Variants in BRIP1 observed in about 807,000 individuals in gnomAD.
BRIP1 encodes Fanconi anemia group J protein.
In BRIP1, 88 loss-of-function variants were observed where a neutral mutation model predicts 119.7. The observed-to-expected ratio is 0.74, with a 90% confidence interval of 0.62 to 0.88. The LOEUF (loss-of-function observed/expected upper bound fraction) is 0.88, where lower values mean the gene tolerates loss of function less well. Ranked by LOEUF, BRIP1 falls within the 40% of genes least tolerant of loss-of-function variation. The pLI is 0.00. For synonymous variants in BRIP1, 443 were observed against 496.5 expected (o/e 0.89, Z 1.43); for missense variants, 1,259 against 1,455.4 (o/e 0.87, Z 2.20).
Position 61,748,863 on chromosome 17 carries a change from C to T in BRIP1, c.2098-4272G>A, listed in dbSNP as rs957713573. Among the ~76,000 whole-genome samples the T allele has an allele frequency of 9.8e-5, 15 of 152,290 alleles. No homozygotes were observed. The highest frequency in any genetic ancestry group is 8.3e-4 in the South Asian group (4 of 4,832). ...GTAAGATTTCAAACTGTTGGCTGGG[C>T]GCAGTGGCTCATGCCTGTAATCCCA... On this transcript the variant is annotated intron_variant, in intron 14 of 19. Transcript: ENST00000259008. The surrounding 1 kb of genome is among the most constrained non-coding windows in gnomAD (Gnocchi z 4.7).
In BRIP1 at chr17:61,803,098, C is replaced by CTTT. The variant is rs34014195; in HGVS notation, c.919-1627_919-1625dup. 1.4e-5 allele frequency among the ~76,000 whole-genome samples: 2 copies of CTTT among 147,774 alleles called. No homozygotes were observed. Among genetic ancestry groups the CTTT allele is most frequent in the Non-Finnish European group, 1.5e-5 (1 of 67,118 alleles). ...CTAATGCCCTTTGCCATTCTATTAC[C>CTTT]TTTTTTTTTTTCAGAGATGGGAGTC... On this transcript the variant is annotated intron_variant, in intron 7 of 19. Coordinates refer to ENST00000259008, the MANE Select transcript of BRIP1 (RefSeq NM_032043.3). This position sits in a 1 kb window ranked among gnomAD's most constrained non-coding sequence, Gnocchi z 4.3.
At position 61,744,469 on chromosome 17, in the gene BRIP1, C is replaced by A. The variant is rs45589637; in HGVS notation, c.2220G>T (p.Gln740His). 5.8e-4 allele frequency: 928 copies of A among 1,613,890 alleles called. No homozygotes were observed. The highest frequency in any genetic ancestry group is 1.4e-3 in the Admixed American group (85 of 60,024). Residue 740 changes from glutamine (Q) to histidine (H), a missense_variant, in exon 15 of 20, where the codon CAG (glutamine) becomes CAT (histidine). Physicochemically the swap from Gln to His is conservative, Grantham distance 24. This residue lies in a region of BRIP1 where 753 missense variants were observed against 891.8 expected (regional missense o/e 0.84). Transcript: ENST00000259008. The surrounding 1 kb of genome is among the most constrained non-coding windows in gnomAD (Gnocchi z 5.0). ...GEKTNFDELL[Q>H]VYYDAIKYKG... ...TGTATTTGATTGCGTCATAGTACACCTGCAGTAATTCATCAAAATTTGTTT... is the reference window on the plus strand; with the variant it reads ...TGTATTTGATTGCGTCATAGTACACATGCAGTAATTCATCAAAATTTGTTT...
intron 16 of BRIP1, among the ~76,000 whole-genome samples, chr17:61,721,293 C>G (rs529617571): frequency 9.3e-6 from 1 of 108,032 alleles, no homozygotes; most frequent in Admixed American, 1.1e-4. Flanking sequence ...TTTTTTAACA[C>G]GGAGTCTTGC....
chr17:61,855,351 G>T (rs1276410539), intron 4 of BRIP1, among the ~76,000 whole-genome samples: 1 of 152,162 alleles, frequency 6.6e-6, no homozygotes, highest in African/African-American at 2.4e-5. Context: ...GCCGAGGCAG[G>T]TGAGTAACTT....
chr17:61,793,714 G>A lies in BRIP1; in HGVS notation c.1356C>T (p.Asn452=), dbSNP rs730881640. The change falls in exon 10 of 20, where the codon AAC becomes AAT. Residue 452 remains asparagine (N), a synonymous_variant. Coordinates refer to ENST00000259008, the MANE Select transcript of BRIP1 (RefSeq NM_032043.3). This position sits in a 1 kb window ranked among gnomAD's most constrained non-coding sequence, Gnocchi z 5.2. ...CCSLINWLEA[N]AEYLVERDYE... ...AATCTCTTTCTACAAGATATTCAGC[G>A]TTTGCTTCTAACCAACTGAAATAAA... 30 of 1,610,094 alleles carry A rather than the reference G, an allele frequency of 1.9e-5. No individual in the cohort carries two copies. The Admixed American group carries it at 2.2e-4, about 12-fold the overall frequency.
chr17:61,840,332 G>A (rs1407579512), intron 6 of BRIP1, among the ~76,000 whole-genome samples: 1 of 144,554 alleles, frequency 6.9e-6, no homozygotes, highest in Non-Finnish European at 1.5e-5. Context: ...ACTCCATCCT[G>A]GGTGACAGGG....
Position 61,685,086 on chromosome 17 carries a change from G to A in BRIP1, c.2905+750C>T, listed in dbSNP as rs1056055196. On this transcript the variant is annotated intron_variant, in intron 19 of 19. Coordinates refer to ENST00000259008, the MANE Select transcript of BRIP1 (RefSeq NM_032043.3). ...GGCAAACCTTTTCTGTCATAGGCCAGATAGTAATATTTAGGCTTTGTGGAG... is the reference window on the plus strand; with the variant it reads ...GGCAAACCTTTTCTGTCATAGGCCAAATAGTAATATTTAGGCTTTGTGGAG... 7 of 152,236 alleles carry A rather than the reference G, an allele frequency of 4.6e-5. No homozygotes were observed. In the East Asian group the frequency reaches 5.8e-4, roughly 13 times the overall value. The allele number at this position is 152,236 out of a possible 1,614,324, so 9.4% of individuals were successfully genotyped here.
chr17:61,827,943 TG>T lies in BRIP1; in HGVS notation c.627+19157del. Among the ~76,000 whole-genome samples the T allele has an allele frequency of 6.6e-6, 1 of 152,292 alleles. No homozygotes were observed. Among genetic ancestry groups the T allele is most frequent in the Middle Eastern group, 3.4e-3 (1 of 294 alleles). On this transcript the variant is annotated intron_variant, in intron 6 of 19. Coordinates refer to ENST00000259008, the MANE Select transcript of BRIP1 (RefSeq NM_032043.3). This position sits in a 1 kb window ranked among gnomAD's most constrained non-coding sequence, Gnocchi z 5.8. ...AAAGATGTGGAGAAACTGGAACCCC[TG>T]TGCATTGCTGATGGAACTGTAAAAT...
intron 16 of BRIP1, among the ~76,000 whole-genome samples, chr17:61,718,191 A>T (rs1269688944): frequency 6.6e-6 from 1 of 152,080 alleles, no homozygotes; most frequent in Non-Finnish European, 1.5e-5. Flanking sequence ...CTAATTTTTG[A>T]TTGGATACTA....
rs1457107322 is a variant in BRIP1, at chr17:61,700,270, T to C, written c.2493-6758A>G. ...TTATATTAACTTTTACATTTACGTATGTCGTTAACTTTGTGGGTATTCTTT... is the reference window on the plus strand; with the variant it reads ...TTATATTAACTTTTACATTTACGTACGTCGTTAACTTTGTGGGTATTCTTT... On this transcript the variant is annotated intron_variant, in intron 17 of 19. Coordinates refer to ENST00000259008, the MANE Select transcript of BRIP1 (RefSeq NM_032043.3). This position sits in a 1 kb window ranked among gnomAD's most constrained non-coding sequence, Gnocchi z 4.1. Among the ~76,000 whole-genome samples, 1 of 152,202 alleles carries C rather than the reference T, an allele frequency of 6.6e-6. No individual in the cohort carries two copies. The highest frequency in any genetic ancestry group is 6.5e-5 in the Admixed American group (1 of 15,282).
At chr17:61,721,781 T>A (rs893762215) in intron 16 of BRIP1, among the ~76,000 whole-genome samples, 3 of 126,438 alleles carry the variant, frequency 2.4e-5, no homozygotes, top group African/African-American at 9.1e-5. Flanking sequence ...CACTGCAACC[T>A]CCACCTCCTG....
At position 61,704,315 on chromosome 17, in the gene BRIP1, T is replaced by C. The variant is rs2061659043; in HGVS notation, c.2493-10803A>G. On this transcript the variant is annotated intron_variant, in intron 17 of 19. Coordinates refer to ENST00000259008, the MANE Select transcript of BRIP1 (RefSeq NM_032043.3). This position sits in a 1 kb window ranked among gnomAD's most constrained non-coding sequence, Gnocchi z 5.7. ...GTCTCATAAAATAAATTGGGAAGGA[T>C]TGCATCTTCTGTTTTTTAGAAGAGA... is the stretch of plus-strand genomic sequence containing the variant. Among the ~76,000 whole-genome samples the C allele has an allele frequency of 6.6e-6, 1 of 152,168 alleles. No individual in the cohort carries two copies. Among genetic ancestry groups the C allele is most frequent in the African/African-American group, 2.4e-5 (1 of 41,462 alleles).
intron 16 of BRIP1, among the ~76,000 whole-genome samples, chr17:61,727,530 G>A (rs184449344): frequency 2.3e-4 from 35 of 152,226 alleles, no homozygotes; most frequent in African/African-American, 7.7e-4. Flanking sequence ...ACTTTGGGAG[G>A]ATGAGGCAGG....
intron 14 of BRIP1, among the ~76,000 whole-genome samples, chr17:61,765,409 A>G (rs1603313057): frequency 7.3e-5 from 1 of 13,648 alleles, no homozygotes; most frequent in Non-Finnish European, 1.3e-4. Flanking sequence ...ATATATATAT[A>G]TATATATATA....
chr17:61,828,051 C>T lies in BRIP1; in HGVS notation c.627+19050G>A, dbSNP rs185032342. On this transcript the variant is annotated intron_variant, in intron 6 of 19. Coordinates refer to ENST00000259008, the MANE Select transcript of BRIP1 (RefSeq NM_032043.3). This position sits in a 1 kb window ranked among gnomAD's most constrained non-coding sequence, Gnocchi z 4.1. Reference sequence around the variant, plus strand: ...TACCATATGGTCCAGAAATTCCACTCTTAGGTGTATACCCAAACGAATGAA... The same window carrying T: ...TACCATATGGTCCAGAAATTCCACTTTTAGGTGTATACCCAAACGAATGAA... 2.6e-5 allele frequency among the ~76,000 whole-genome samples: 4 copies of T among 152,138 alleles called. No homozygotes were observed. The highest frequency in any genetic ancestry group is 5.9e-5 in the Non-Finnish European group (4 of 68,008).
Position 61,804,252 on chromosome 17 carries a change from G to A in BRIP1, c.919-2778C>T, listed in dbSNP as rs1026379726. ...ATTGGAACTAAGTGGTAGAATAATGGGCCACTTTTATTTTAATTAATTCTA... is the reference window on the plus strand; with the variant it reads ...ATTGGAACTAAGTGGTAGAATAATGAGCCACTTTTATTTTAATTAATTCTA... On this transcript the variant is annotated intron_variant, in intron 7 of 19. Transcript: ENST00000259008. This position sits in a 1 kb window ranked among gnomAD's most constrained non-coding sequence, Gnocchi z 4.5. 1.3e-5 allele frequency among the ~76,000 whole-genome samples: 2 copies of A among 151,576 alleles called. No homozygotes were observed. The highest frequency in any genetic ancestry group is 6.6e-5 in the Admixed American group (1 of 15,208).
rs876660646 is a variant in BRIP1, at chr17:61,780,874, T to C, written c.1760A>G (p.His587Arg). ...ATTTAAGCACCAAAAGTTTAGCACATGAACTGCAGTTTTCTGTCGTGAACG... is the reference window on the plus strand; with the variant it reads ...ATTTAAGCACCAAAAGTTTAGCACACGAACTGCAGTTTTCTGTCGTGAACG... ...KKRSRQKTAVHVLNFWCLNPA... is the reference protein window; with the variant it reads ...KKRSRQKTAVRVLNFWCLNPA... The change falls in exon 12 of 20, where the codon CAT becomes CGT. Residue 587 changes from histidine (H) to arginine (R), a missense_variant. By Grantham distance (29) the His-to-Arg change is conservative (BLOSUM62 0). Coordinates refer to ENST00000259008, the MANE Select transcript of BRIP1 (RefSeq NM_032043.3). The surrounding 1 kb of genome is among the most constrained non-coding windows in gnomAD (Gnocchi z 5.4). 6.2e-7 allele frequency: 1 copy of C among 1,614,206 alleles called. No individual in the cohort carries two copies. Among genetic ancestry groups the C allele is most frequent in the Non-Finnish European group, 8.5e-7 (1 of 1,180,040 alleles).
rs2061677319 is a variant in BRIP1 at position 61,705,395 on chromosome 17, T to G, written c.2492+10556A>C. Among the ~76,000 whole-genome samples the G allele has an allele frequency of 6.6e-6, 1 of 152,316 alleles. No individual in the cohort carries two copies. The highest frequency in any genetic ancestry group is 2.4e-5 in the African/African-American group (1 of 41,578). ...TTTGCTTTTGTGAATTGTGCTGTGA[T>G]GAACACACAGCTGCATGTGTCTTTT... On this transcript the variant is annotated intron_variant, in intron 17 of 19. Coordinates refer to ENST00000259008, the MANE Select transcript of BRIP1 (RefSeq NM_032043.3). This position sits in a 1 kb window ranked among gnomAD's most constrained non-coding sequence, Gnocchi z 5.0.
At position 61,815,477 on chromosome 17, in the gene BRIP1, A is replaced by C. The variant is rs1460190349; in HGVS notation, c.628-6720T>G. On this transcript the variant is annotated intron_variant, in intron 6 of 19. Coordinates refer to ENST00000259008, the MANE Select transcript of BRIP1 (RefSeq NM_032043.3). The surrounding 1 kb of genome is among the most constrained non-coding windows in gnomAD (Gnocchi z 4.1). The stretch of plus-strand genomic sequence containing the variant: ...TTAGCCAGACATAGTTATTCTGTAA[A>C]GGAATAAACAACAGCCAAGAGAATT... 2.0e-5 allele frequency among the ~76,000 whole-genome samples: 3 copies of C among 152,194 alleles called. No individual in the cohort carries two copies. The highest frequency in any genetic ancestry group is 4.4e-5 in the Non-Finnish European group (3 of 68,020).
Sources: allele counts gnomAD v4.1 joint callset (sites outside exome capture counted in the v4.1 genomes callset), GRCh38; gene constraint gnomAD v4.1.1; regional missense constraint gnomAD v4.1.1; non-coding constraint Gnocchi (gnomAD v3.1); transcripts MANE v1.5; gene names NCBI Gene and HGNC (gene_info 2026-07-23, HGNC 2026-07-21).